PCDHGA6: variants seen among roughly 807,000 people sequenced by gnomAD.
PCDHGA6 encodes protocadherin gamma subfamily A, 6, also known as protocadherin gamma-A6.
A neutral mutation model predicts 60.6 loss-of-function variants in PCDHGA6; 41 were observed. The observed-to-expected ratio is 0.68, with a 90% CI of 0.53 to 0.88. The LOEUF (loss-of-function observed/expected upper bound fraction) is 0.88, where lower values mean the gene tolerates loss of function less well. PCDHGA6 is among the 40% of genes least tolerant of loss of function. The pLI is 0.00. For missense variants in PCDHGA6, 1,312 were observed against 1,203.0 expected, an observed-to-expected ratio of 1.09 and a Z score of -1.34; for synonymous variants, 594 against 524.4, an observed-to-expected ratio of 1.13 and a Z score of -1.81.
chr5:141,500,124 A>G (rs1042231430), intron 2 of PCDHGA6, among the ~76,000 whole-genome samples: 2 of 151,656 alleles, frequency 1.3e-5, no homozygotes, highest in African/African-American at 2.4e-5. Flanking sequence ...GCCTTTTCAT[A>G]TATATCTTTC....
chr5:141,442,797 G>A (rs140116155), intron 1 of PCDHGA6, among the ~76,000 whole-genome samples: 1,916 of 152,222 alleles, frequency 0.013, 22 homozygotes, highest in Non-Finnish European at 0.02. Context: ...ATTTTACTTT[G>A]ATATTCAAAT....
intron 1 of PCDHGA6, chr5:141,400,270 T>G: frequency 6.2e-7 from 1 of 1,614,058 alleles, no homozygotes; most frequent in Non-Finnish European, 8.5e-7. Flanking sequence ...GCGACGCTCC[T>G]CCAGCCCTGC....
chr5:141,463,135 C>G (rs1352400365), intron 1 of PCDHGA6, among the ~76,000 whole-genome samples: 1 of 152,128 alleles, frequency 6.6e-6, no homozygotes, highest in African/African-American at 2.4e-5. Flanking sequence ...GGCAGTTCTT[C>G]GCCCAGCTGC....
In PCDHGA6 at chr5:141,386,663, G is replaced by T. The variant is rs532080624; in HGVS notation, c.2424+10156G>T. On this transcript the variant is annotated intron_variant, in intron 1 of 3. Transcript: ENST00000517434. ...GGATACATTTTACAAGTTCTGCAGT[G>T]TTCACATTTCAGATGTACAATCACT... Among the ~76,000 whole-genome samples, 44 of 152,044 alleles carry T rather than the reference G, an allele frequency of 2.9e-4. No homozygotes were observed. In the South Asian group the frequency reaches 5.4e-3, roughly 19 times the overall value.
At chr5:141,416,794 G>A (rs1002101061) in intron 1 of PCDHGA6, 1 of 152,070 alleles carries the variant, frequency 6.6e-6, no homozygotes, top group East Asian at 1.9e-4. Flanking sequence ...ACTAAATGTG[G>A]TAGTATAAAG....
At chr5:141,472,109 A>G (rs1353132107) in intron 1 of PCDHGA6, among the ~76,000 whole-genome samples, 2 of 152,234 alleles carry the variant, frequency 1.3e-5, no homozygotes, top group Non-Finnish European at 2.9e-5. Flanking sequence ...TTTTATACAT[A>G]AAGAAAATAA....
At chr5:141,414,888 C>T (rs1452402953) in intron 1 of PCDHGA6, 2 of 1,614,210 alleles carry the variant, frequency 1.2e-6, no homozygotes, top group Non-Finnish European at 1.7e-6. Flanking sequence ...ACCCCGCCCT[C>T]CCCACAGACG....
chr5:141,489,913 A>G lies in PCDHGA6; in HGVS notation c.2425-4894A>G. 1 of 1,614,208 alleles carries G rather than the reference A, an allele frequency of 6.2e-7. No homozygotes were observed. Among genetic ancestry groups the G allele is most frequent in the Non-Finnish European group, 8.5e-7 (1 of 1,180,044 alleles). Reference sequence around the variant, plus strand: ...TGGGGGGACCCCAGCCCGCTCAGGGACCACCCTTATCTCTGTCATCGTGCT... The same window carrying G: ...TGGGGGGACCCCAGCCCGCTCAGGGGCCACCCTTATCTCTGTCATCGTGCT... On this transcript the variant is annotated intron_variant, in intron 1 of 3. Transcript: ENST00000517434. The surrounding 1 kb of genome is among the most constrained non-coding windows in gnomAD (Gnocchi z 4.5).
intron 1 of PCDHGA6, chr5:141,427,571 G>A: frequency 1.5e-6 from 1 of 662,942 alleles, no homozygotes. Flanking sequence ...GCAAGCCTCC[G>A]CTCTCATCCA....
intron 1 of PCDHGA6, among the ~76,000 whole-genome samples, chr5:141,445,937 A>C (rs2098482193): frequency 6.6e-6 from 1 of 152,202 alleles, no homozygotes; most frequent in African/African-American, 2.4e-5. Flanking sequence ...TGAATTATTA[A>C]GCTTACTCTG....
chr5:141,465,454 T>A (rs1031876441), intron 1 of PCDHGA6, among the ~76,000 whole-genome samples: 1 of 152,184 alleles, frequency 6.6e-6, no homozygotes, highest in Non-Finnish European at 1.5e-5. Flanking sequence ...AAGAAAACTC[T>A]CACCAAATTG....
intron 1 of PCDHGA6, among the ~76,000 whole-genome samples, chr5:141,430,398 C>T (rs2097281985): frequency 6.7e-6 from 1 of 150,224 alleles, no homozygotes. Flanking sequence ...AAAAAAAAAG[C>T]TCACTAAAGT....
rs1280923293 is a variant in PCDHGA6 at position 141,478,837 on chromosome 5, G to A, written c.2425-15970G>A. ...AACTAACCAATCTTGCTAAGGGATG[G>A]TTAAGCTAAAACACAAGATCTCAGC... is the stretch of plus-strand genomic sequence containing the variant. On this transcript the variant is annotated intron_variant, in intron 1 of 3. Transcript: ENST00000517434. 3.5e-6 allele frequency: 5 copies of A among 1,428,112 alleles called. No homozygotes were observed. The African/African-American group carries it at 5.8e-5, about 16-fold the overall frequency. The allele number at this position is 1,428,112 out of a possible 1,614,324, so 88.5% of individuals were successfully genotyped here.
chr5:141,428,508 T>G, intron 1 of PCDHGA6: 1 of 279,550 alleles, frequency 3.6e-6, no homozygotes, highest in South Asian at 4.0e-5. Flanking sequence ...CCTCGGATTC[T>G]AGAAAAAGAA....
rs1421124374 is a variant in PCDHGA6, at chr5:141,431,186, A to G, written c.2424+54679A>G. The G allele has an allele frequency of 1.9e-6, 3 of 1,614,110 alleles. No individual in the cohort carries two copies. ...TGAAAGTGAATTAGAAATAAAAATT[A>G]GTGAAAATGCAGCCACTGAGATGCG... On this transcript the variant is annotated intron_variant, in intron 1 of 3. Transcript: ENST00000517434. This position sits in a 1 kb window ranked among gnomAD's most constrained non-coding sequence, Gnocchi z 4.8.
chr5:141,394,104 C>T (rs761567726), intron 1 of PCDHGA6: 1 of 1,613,824 alleles, frequency 6.2e-7, no homozygotes, highest in African/African-American at 1.3e-5. Flanking sequence ...AGGAACACCA[C>T]CTCTGTCCAC....
At chr5:141,386,251 C>A (rs2090509345) in intron 1 of PCDHGA6, among the ~76,000 whole-genome samples, 2 of 152,070 alleles carry the variant, frequency 1.3e-5, no homozygotes, top group Admixed American at 1.3e-4. Context: ...GGAAATAACC[C>A]AATCTGGGAT....
At chr5:141,488,207 TC>T (rs2099672969) in intron 1 of PCDHGA6, among the ~76,000 whole-genome samples, 1 of 152,216 alleles carries the variant, frequency 6.6e-6, no homozygotes, top group Non-Finnish European at 1.5e-5. Context: ...AGGACTCATA[TC>T]AAGTCCCTAC....
intron 1 of PCDHGA6, chr5:141,383,317 G>A (rs376453261): frequency 1.9e-6 from 3 of 1,614,000 alleles, no homozygotes; most frequent in African/African-American, 2.7e-5. Context: ...AGAAATAAAT[G>A]TAAAAATAAT....
Sources: allele counts gnomAD v4.1 joint callset (sites outside exome capture counted in the v4.1 genomes callset), GRCh38; gene constraint gnomAD v4.1.1; non-coding constraint Gnocchi (gnomAD v3.1); transcripts MANE v1.5; gene names NCBI Gene and HGNC (gene_info 2026-07-23, HGNC 2026-07-21).